Variants in ST7L observed in about 807,000 individuals in gnomAD.
ST7L encodes the protein suppression of tumorigenicity 7 like.
Under a neutral mutation model 72.5 loss-of-function variants are expected in ST7L, and 57 were observed. That is an observed-to-expected ratio of 0.79 (90% confidence interval 0.64 to 0.98). The LOEUF is 0.98. Ranked by LOEUF, ST7L falls within the 50% of genes least tolerant of loss-of-function variation. The pLI, the probability that ST7L is intolerant of heterozygous loss-of-function variation, is 0.00. For missense variants in ST7L, 576 were observed against 672.2 expected, an observed-to-expected ratio of 0.86 and a Z score of 1.58; for synonymous variants, 221 against 240.9, an observed-to-expected ratio of 0.92 and a Z score of 0.77.
intron 13 of ST7L, 28 bp from the exon 14 acceptor site, chr1:112,542,118 T>C: frequency 6.4e-7 from 1 of 1,555,836 alleles, no homozygotes; most frequent in Non-Finnish European, 8.7e-7. Flanking sequence ...TAAGAATCAA[T>C]TTTATTTCAG....
Position 112,575,105 on chromosome 1 carries a change from G to A in ST7L, c.1245+1881C>T, listed in dbSNP as rs182089616. On this transcript the variant is annotated intron_variant, in intron 11 of 14. Coordinates refer to ENST00000358039, the MANE Select transcript of ST7L (RefSeq NM_017744.5). ...TACAAAATAATTAGCTGGGCGTGGT[G>A]GCGCGCACCTGTAGTCCCAGCTACT... 9.4e-4 allele frequency among the ~76,000 whole-genome samples: 143 copies of A among 152,224 alleles called. 1 individual carries two copies. The highest frequency in any genetic ancestry group is 3.2e-3 in the African/African-American group (133 of 41,542).
chr1:112,584,343 CTCTT>C (rs548335562), intron 6 of ST7L, among the ~76,000 whole-genome samples: 4 of 148,168 alleles, frequency 2.7e-5, no homozygotes, highest in African/African-American at 7.4e-5. Context: ...TCTTTCCCTT[CTCTT>C]TGTTTTTTAA....
intron 13 of ST7L, among the ~76,000 whole-genome samples, chr1:112,548,341 A>G (rs1657515937): frequency 1.3e-5 from 2 of 152,204 alleles, no homozygotes. Flanking sequence ...CAGGGCAACA[A>G]GGACGGAAAC....
At chr1:112,520,744 T>C (rs531441753), downstream of ST7L, 2 of 584,234 alleles carry the variant, frequency 3.4e-6, no homozygotes, top group Non-Finnish European at 6.1e-6. Flanking sequence ...CTCTGGAGAT[T>C]TGAAGGGAGA....
intron 14 of ST7L, among the ~76,000 whole-genome samples, chr1:112,538,466 CT>C (rs1655558819): frequency 6.6e-6 from 1 of 152,184 alleles, no homozygotes; most frequent in Non-Finnish European, 1.5e-5. Context: ...TTTTAGCCCC[CT>C]GAATAGCTGG....
At position 112,525,458 on chromosome 1, in the gene ST7L, G is replaced by A. The variant is rs1653252683; in HGVS notation, c.*555C>T. ...CAAAGGTAAAGGGATAGAAAAGAGA[G>A]GGCGTTGACAAACTCATTTTCCCAC... On this transcript the variant is annotated 3_prime_UTR_variant, in exon 15 of 15. Coordinates refer to ENST00000358039, the MANE Select transcript of ST7L (RefSeq NM_017744.5). 2 of 152,714 alleles carry A rather than the reference G, an allele frequency of 1.3e-5. No individual in the cohort carries two copies. Among genetic ancestry groups the A allele is most frequent in the Non-Finnish European group, 2.9e-5 (2 of 68,546 alleles). 9.5% of individuals were successfully genotyped at this position (152,714 alleles called of 1,614,324 possible).
At chr1:112,561,716 G>A (rs1465434870) in intron 11 of ST7L, among the ~76,000 whole-genome samples, 1 of 152,026 alleles carries the variant, frequency 6.6e-6, no homozygotes, top group African/African-American at 2.4e-5. Context: ...CTGACCTCAG[G>A]TGATCTATCT....
At chr1:112,552,617 T>C (rs570724620) in intron 12 of ST7L, among the ~76,000 whole-genome samples, 7 of 152,250 alleles carry the variant, frequency 4.6e-5, no homozygotes, top group African/African-American at 1.7e-4. Flanking sequence ...TTGGTCAGGC[T>C]GGTTTCGAAC....
chr1:112,581,571 T>G (rs1421339689), intron 9 of ST7L, among the ~76,000 whole-genome samples: 1 of 151,930 alleles, frequency 6.6e-6, no homozygotes, highest in Non-Finnish European at 1.5e-5. Context: ...GCTAATTTTT[T>G]TAAAAAATTT....
intron 13 of ST7L, 90 bp from the exon 14 acceptor site, chr1:112,542,180 A>G (rs1417731616): frequency 7.6e-7 from 1 of 1,309,060 alleles, no homozygotes; most frequent in East Asian, 2.7e-5. Flanking sequence ...GTTTTTAAAA[A>G]TTAAAAAGAA....
Position 112,584,445 on chromosome 1 carries a change from G to A in ST7L, c.702-319C>T, listed in dbSNP as rs914814973. Among the ~76,000 whole-genome samples the A allele has an allele frequency of 2.0e-5, 3 of 151,002 alleles. No homozygotes were observed. In the East Asian group the frequency reaches 5.8e-4, roughly 29 times the overall value. The stretch of plus-strand genomic sequence containing the variant: ...TTTTGTGAAAGGGGGGAGAAAAGAA[G>A]ATTTATAAAGAATTATCTGAATTGT... On this transcript the variant is annotated intron_variant, in intron 6 of 14. Coordinates refer to ENST00000358039, the MANE Select transcript of ST7L (RefSeq NM_017744.5).
chr1:112,578,854 C>A (rs1371589424), intron 9 of ST7L, among the ~76,000 whole-genome samples: 1 of 151,982 alleles, frequency 6.6e-6, no homozygotes, highest in Non-Finnish European at 1.5e-5. Flanking sequence ...ATAGGAAAAA[C>A]CTGGACGTGA....
chr1:112,547,064 T>C (rs1035939675), intron 13 of ST7L, among the ~76,000 whole-genome samples: 4 of 152,032 alleles, frequency 2.6e-5, no homozygotes, highest in Non-Finnish European at 5.9e-5. Context: ...CCCTAACCCC[T>C]ATTCCCAAAT....
At position 112,578,491 on chromosome 1, in the gene ST7L, C is replaced by T. The variant is rs1663513548; in HGVS notation, c.1070-74G>A. On this transcript the variant is annotated intron_variant, in intron 9 of 14. Transcript: ENST00000358039. The stretch of plus-strand genomic sequence containing the variant: ...AGACAATTTTTTAATAAGAATAATT[C>T]ACGGCCAGGCATGGTGGCTCATGCC... 15 of 1,335,580 alleles carry T rather than the reference C, an allele frequency of 1.1e-5. No individual in the cohort carries two copies. In the Admixed American group the frequency reaches 2.5e-4, roughly 23 times the overall value. 82.7% of individuals were successfully genotyped at this position (1,335,580 alleles called of 1,614,324 possible). A position where few individuals can be genotyped will look rare whatever the true frequency, so the allele number is the denominator to read the frequency against.
At chr1:112,614,535 C>T (rs1350305582) in intron 2 of ST7L, among the ~76,000 whole-genome samples, 1 of 151,996 alleles carries the variant, frequency 6.6e-6, no homozygotes, top group African/African-American at 2.4e-5. Context: ...AGAGAAAAAT[C>T]TCGTTCTTGT....
chr1:112,557,525 C>G (rs1445996647), intron 11 of ST7L, among the ~76,000 whole-genome samples: 1 of 152,166 alleles, frequency 6.6e-6, no homozygotes, highest in Non-Finnish European at 1.5e-5. Flanking sequence ...TAGCTTTCGG[C>G]TATTATGAAT....
intron 4 of ST7L, 34 bp from the exon 5 acceptor site, chr1:112,598,120 A>T (rs1383446540): frequency 1.6e-5 from 24 of 1,492,650 alleles, no homozygotes; most frequent in Non-Finnish European, 2.1e-5. Context: ...TTTAAATTGA[A>T]CATGAGAGAG....
At chr1:112,561,165 ATTTTTTTCAGTCTT>A (rs1034544246) in intron 11 of ST7L, among the ~76,000 whole-genome samples, 3 of 151,866 alleles carry the variant, frequency 2.0e-5, no homozygotes, top group African/African-American at 7.3e-5. Flanking sequence ...CTGACCGATG[ATTTTTTTCAGTCTT>A]TTTTTTTCTG....
At chr1:112,580,978 G>C (rs1212228484) in intron 9 of ST7L, among the ~76,000 whole-genome samples, 1 of 152,142 alleles carries the variant, frequency 6.6e-6, no homozygotes, top group Admixed American at 6.5e-5. Flanking sequence ...ACCATGGAAA[G>C]ACTAATGAAC....
Sources: allele counts gnomAD v4.1 joint callset (sites outside exome capture counted in the v4.1 genomes callset), GRCh38; gene constraint gnomAD v4.1.1; transcripts MANE v1.5; gene names NCBI Gene and HGNC (gene_info 2026-07-23, HGNC 2026-07-21).